Variants in EMC1 observed in about 807,000 individuals in gnomAD.
EMC1 encodes the protein ER membrane protein complex subunit 1.
EMC1 carries 103 observed loss-of-function variants against 128.8 expected under a neutral mutation model. The observed-to-expected ratio is 0.80, with a 90% CI of 0.68 to 0.94. The LOEUF (loss-of-function observed/expected upper bound fraction) is 0.94, where lower values mean the gene tolerates loss of function less well. Among genes scored for constraint, EMC1 ranks in the 40% least tolerant of loss-of-function variants. The pLI is 0.00. For synonymous variants in EMC1, 442 were observed against 490.4 expected (o/e 0.90, Z 1.30); for missense variants, 1,083 against 1,250.6 (o/e 0.87, Z 2.02).
chr1:19,241,512 T>G (rs1340717861), intron 5 of EMC1, among the ~76,000 whole-genome samples: 1 of 151,842 alleles, frequency 6.6e-6, no homozygotes, highest in Non-Finnish European at 1.5e-5. Flanking sequence ...CTCATAGCAT[T>G]TTCTTTGTTG....
chr1:19,223,045 T>G (rs936949296), intron 19 of EMC1: 2 of 573,298 alleles, frequency 3.5e-6, no homozygotes, highest in Middle Eastern at 4.6e-4. Flanking sequence ...CAAAGGAAAT[T>G]CTCAAGAGTC....
At chr1:19,229,218 T>G (rs949478587) in intron 17 of EMC1, 7 of 152,224 alleles carry the variant, frequency 4.6e-5, no homozygotes, top group African/African-American at 1.7e-4. Flanking sequence ...CACATTTTGC[T>G]TGTTCACCTC....
At chr1:19,220,896 G>A (rs2093426554) in intron 20 of EMC1, 48 bp from the exon 21 acceptor site, 5 of 1,364,112 alleles carry the variant, frequency 3.7e-6, no homozygotes, top group South Asian at 1.3e-5. Context: ...GTCCAGCAAG[G>A]GCCAGTTACA....
chr1:19,238,754 G>A (rs1411461041), intron 10 of EMC1, 41 bp downstream of exon 10: 1 of 1,422,484 alleles, frequency 7.0e-7, no homozygotes. Flanking sequence ...GTGGCCTCCT[G>A]CGTCTCTAGG....
chr1:19,249,771 A>G (rs1228657219), intron 1 of EMC1, among the ~76,000 whole-genome samples: 2 of 152,016 alleles, frequency 1.3e-5, no homozygotes, highest in Non-Finnish European at 2.9e-5. Flanking sequence ...CAAAAAATAC[A>G]AAGAAACTGG....
At chr1:19,250,816 C>G (rs1171894951) in intron 1 of EMC1, among the ~76,000 whole-genome samples, 2 of 152,122 alleles carry the variant, frequency 1.3e-5, no homozygotes, top group Admixed American at 6.5e-5. Context: ...CAAGTCTTAA[C>G]TAGTAAAATT....
intron 5 of EMC1, 27 bp from the exon 6 acceptor site, chr1:19,241,169 C>T (rs1208621657): frequency 1.2e-5 from 19 of 1,613,486 alleles, no homozygotes; most frequent in Middle Eastern, 1.7e-4. Flanking sequence ...GAAACCGCAG[C>T]GTCAGCTTTC....
chr1:19,238,111 T>G lies in EMC1; in HGVS notation c.1118A>C (p.Tyr373Ser), dbSNP rs1165994376. 6.2e-7 allele frequency: 1 copy of G among 1,614,132 alleles called. No individual in the cohort carries two copies. The highest frequency in any genetic ancestry group is 8.5e-7 in the Non-Finnish European group (1 of 1,180,040). Residue 373 changes from tyrosine (Y) to serine (S), a missense_variant, in exon 11 of 23, where the codon TAC (tyrosine) becomes TCC (serine). Around this residue, in one of 3 missense-constraint regions of EMC1, gnomAD observed 544 missense variants for 572.4 expected, o/e 0.95. Transcript: ENST00000477853. ...KDSLACFNQTYTINLYLVETG... is the reference protein window; with the variant it reads ...KDSLACFNQTSTINLYLVETG... ...CTCCACGAGGTATAGGTTAATGGTGTAGGTCTGATTGAAGCAAGCCAGAGA... is the reference window on the plus strand; with the variant it reads ...CTCCACGAGGTATAGGTTAATGGTGGAGGTCTGATTGAAGCAAGCCAGAGA...
rs201843845 is a variant in EMC1, at chr1:19,243,598, C to T, written c.380+16G>A. 3.7e-4 allele frequency: 587 copies of T among 1,606,770 alleles called. 2 individuals are homozygous for T. In the African/African-American group the frequency reaches 6.4e-3, roughly 17 times the overall value. On this transcript the variant is annotated intron_variant, in intron 4 of 22. Coordinates refer to ENST00000477853, the MANE Select transcript of EMC1 (RefSeq NM_015047.3). The stretch of plus-strand genomic sequence containing the variant: ...GCCTTTAACTCAGTCAAGATAAAAT[C>T]CAGTTTCTCCCCTACCTGCCACTGT...
In EMC1 at chr1:19,238,076, G is replaced by A. The variant is rs763069882; in HGVS notation, c.1153C>T (p.Arg385Trp). ...AATGTTATCGTGGTGTCCAGCAGCC[G>A]CCGACCTGTCTCCACGAGGTATAGG... ...INLYLVETGR[R>W]LLDTTITFSL... Residue 385 changes from arginine to tryptophan, a missense_variant, in exon 11 of 23, where the codon CGG becomes TGG. By Grantham distance (101) the Arg-to-Trp change is moderately radical (BLOSUM62 -3). This residue lies in a region of EMC1 where 544 missense variants were observed against 572.4 expected (regional missense o/e 0.95). Transcript: ENST00000477853. 14 of 1,613,996 alleles carry A rather than the reference G, an allele frequency of 8.7e-6. No homozygotes were observed. The highest frequency in any genetic ancestry group is 2.2e-5 in the East Asian group (1 of 44,886).
intron 12 of EMC1, among the ~76,000 whole-genome samples, chr1:19,235,514 A>G (rs1054272167): frequency 2.0e-5 from 3 of 152,182 alleles, no homozygotes; most frequent in East Asian, 1.9e-4. Context: ...CATCCTGGCT[A>G]ACATGGTGAA....
chr1:19,237,077 G>T, intron 12 of EMC1, 65 bp downstream of exon 12: 1 of 1,179,528 alleles, frequency 8.5e-7, no homozygotes, highest in Non-Finnish European at 1.3e-6. Context: ...CCAAAAAACA[G>T]TCTGATTGGA....
At chr1:19,240,041 T>A (rs572839788) in intron 7 of EMC1, 56 bp from the exon 8 acceptor site, 5 of 1,533,090 alleles carry the variant, frequency 3.3e-6, no homozygotes, top group Non-Finnish European at 4.4e-6. Flanking sequence ...CCCTGACCCA[T>A]CCCAGGCTCA....
chr1:19,234,633 G>C (rs541731475), intron 13 of EMC1, among the ~76,000 whole-genome samples: 5 of 152,248 alleles, frequency 3.3e-5, no homozygotes, highest in Non-Finnish European at 5.9e-5. Flanking sequence ...AGATCATGAG[G>C]TCAGGAGTTT....
intron 2 of EMC1, 110 bp from the exon 3 acceptor site, chr1:19,244,125 G>T (rs1349232051): frequency 6.6e-6 from 7 of 1,067,310 alleles, no homozygotes; most frequent in Non-Finnish European, 9.9e-6. Flanking sequence ...ATTTTATCTC[G>T]AGGGAGTGAA....
chr1:19,219,448 C>A lies in EMC1; in HGVS notation c.2837G>T (p.Arg946Leu), dbSNP rs374448290. The change falls in exon 23 of 23, where the codon CGA becomes CTA. Residue 946 changes from arginine to leucine, a missense_variant. By Grantham distance (102) the Arg-to-Leu change is moderately radical. Coordinates refer to ENST00000477853, the MANE Select transcript of EMC1 (RefSeq NM_015047.3). ...GTCAAACTGCTTGGATGGGTAGACTCGAGTTTGGTAAATGTCCAAACCATA... is the reference window on the plus strand; with the variant it reads ...GTCAAACTGCTTGGATGGGTAGACTAGAGTTTGGTAAATGTCCAAACCATA... ...VAYGLDIYQT[R>L]VYPSKQFDVL... 4 of 1,613,686 alleles carry A rather than the reference C, an allele frequency of 2.5e-6. No individual in the cohort carries two copies. In the African/African-American group the frequency reaches 5.3e-5, roughly 22 times the overall value.
In EMC1 at chr1:19,216,511, A is replaced by G. The variant is rs986653038; in HGVS notation, c.*2792T>C. On this transcript the variant is annotated 3_prime_UTR_variant, in exon 23 of 23. Transcript: ENST00000477853. ...AAAACATCTCATGTACCCCATAAGT[A>G]TATGTACCTAATATGTACCCACAAA... 3 of 152,212 alleles carry G rather than the reference A, an allele frequency of 2.0e-5. No homozygotes were observed. The highest frequency in any genetic ancestry group is 2.9e-5 in the Non-Finnish European group (2 of 68,036). 9.4% of individuals were successfully genotyped at this position (152,212 alleles called of 1,614,324 possible). A position where few individuals can be genotyped will look rare whatever the true frequency, so the allele number is the denominator to read the frequency against.
At chr1:19,222,323 T>C (rs917063846) in intron 20 of EMC1, among the ~76,000 whole-genome samples, 2 of 151,634 alleles carry the variant, frequency 1.3e-5, no homozygotes, top group African/African-American at 2.4e-5. Context: ...ATTAGCCAGG[T>C]GAGCTCAGGA....
intron 18 of EMC1, among the ~76,000 whole-genome samples, chr1:19,224,997 A>G (rs915071518): frequency 2.6e-5 from 4 of 152,204 alleles, no homozygotes; most frequent in African/African-American, 9.7e-5. Flanking sequence ...GCCCCTCCTT[A>G]GCCACCCGAC....
Sources: allele counts gnomAD v4.1 joint callset (sites outside exome capture counted in the v4.1 genomes callset), GRCh38; gene constraint gnomAD v4.1.1; regional missense constraint gnomAD v4.1.1; transcripts MANE v1.5; gene names NCBI Gene and HGNC (gene_info 2026-07-23, HGNC 2026-07-21).